The following CAMTA1 variants were observed in gnomAD, a reference collection of about 807,000 sequenced individuals.
CAMTA1 encodes the protein calmodulin-binding transcription activator 1.
Under a neutral mutation model 170.9 loss-of-function variants are expected in CAMTA1, and 27 were observed. That is an observed-to-expected ratio of 0.16 (90% CI 0.12 to 0.22). The LOEUF (loss-of-function observed/expected upper bound fraction) is 0.22. CAMTA1 is among the 10% of genes least tolerant of loss of function. The pLI, the probability that CAMTA1 is intolerant of heterozygous loss-of-function variation, is 1.00. For missense variants in CAMTA1, 1,619 were observed against 2,217.2 expected (o/e 0.73, Z 5.42); for synonymous variants, 833 against 891.5 (o/e 0.93, Z 1.17).
intron 5 of CAMTA1, among the ~76,000 whole-genome samples, chr1:7,420,287 C>G (rs913227396): frequency 1.3e-5 from 2 of 152,118 alleles, no homozygotes; most frequent in Admixed American, 6.5e-5. Flanking sequence ...ATCACCCCAG[C>G]GGAGAGACCT....
At chr1:7,319,712 G>C (rs1293703350) in intron 5 of CAMTA1, among the ~76,000 whole-genome samples, 13 of 152,156 alleles carry the variant, frequency 8.5e-5, no homozygotes, top group Non-Finnish European at 5.9e-5. Context: ...GCTACCATCT[G>C]TCAGCCGCAT....
chr1:7,618,528 C>A (rs1012235861), intron 6 of CAMTA1, among the ~76,000 whole-genome samples: 1 of 152,206 alleles, frequency 6.6e-6, no homozygotes, highest in African/African-American at 2.4e-5. Flanking sequence ...TCGTCTCCCT[C>A]GTTTTCAAGG....
chr1:7,095,299 A>G (rs1460415572), intron 4 of CAMTA1, among the ~76,000 whole-genome samples: 1 of 152,222 alleles, frequency 6.6e-6, no homozygotes, highest in Non-Finnish European at 1.5e-5. Flanking sequence ...AAAATGAACA[A>G]AAGTGACATA....
At position 7,173,302 on chromosome 1, in the gene CAMTA1, G is replaced by A. The variant is rs1358138746; in HGVS notation, c.303-76189G>A. 6.6e-6 allele frequency among the ~76,000 whole-genome samples: 1 copy of A among 152,226 alleles called. No individual in the cohort carries two copies. Among genetic ancestry groups the A allele is most frequent in the Non-Finnish European group, 1.5e-5 (1 of 68,040 alleles). On this transcript the variant is annotated intron_variant, in intron 4 of 22. Coordinates refer to ENST00000303635, the MANE Select transcript of CAMTA1 (RefSeq NM_015215.4). This position sits in a 1 kb window ranked among gnomAD's most constrained non-coding sequence, Gnocchi z 5.4. Reference sequence around the variant, plus strand: ...TGTGAGCTGAAATGAACAGAAGGCAGAGCGGGGTGCAGGGCCTGGCCGTGA... The same window carrying A: ...TGTGAGCTGAAATGAACAGAAGGCAAAGCGGGGTGCAGGGCCTGGCCGTGA...
chr1:7,607,029 A>G (rs1260267850), intron 6 of CAMTA1, among the ~76,000 whole-genome samples: 1 of 152,236 alleles, frequency 6.6e-6, no homozygotes, highest in African/African-American at 2.4e-5. Flanking sequence ...ATTTAACAAC[A>G]GGTGCTCAAT....
intron 5 of CAMTA1, among the ~76,000 whole-genome samples, chr1:7,453,346 CAG>C (rs1370387356): frequency 6.6e-6 from 1 of 152,194 alleles, no homozygotes; most frequent in East Asian, 1.9e-4. Context: ...TCATTATCTG[CAG>C]AGTCAGGGGT....
intron 1 of CAMTA1, among the ~76,000 whole-genome samples, chr1:6,802,638 G>C (rs1471538689): frequency 6.6e-6 from 1 of 152,224 alleles, no homozygotes; most frequent in Non-Finnish European, 1.5e-5. Context: ...GCTACAGATA[G>C]AAGGCCAAGT....
intron 4 of CAMTA1, among the ~76,000 whole-genome samples, chr1:7,108,448 A>C (rs1356041965): frequency 6.6e-6 from 1 of 152,154 alleles, no homozygotes; most frequent in East Asian, 1.9e-4. Flanking sequence ...CTCTGTACGC[A>C]CACAGCCCAG....
rs935637401 is a variant in CAMTA1, at chr1:6,943,861, A to G, written c.234+118651A>G. Among the ~76,000 whole-genome samples the G allele has an allele frequency of 1.3e-3, 130 of 103,594 alleles. 1 individual carries two copies. The highest frequency in any genetic ancestry group is 3.2e-3 in the African/African-American group (101 of 31,998). The allele number at this position is 103,594 out of a possible 152,430, so 68.0% of individuals were successfully genotyped here. On this transcript the variant is annotated intron_variant, in intron 3 of 22. Coordinates refer to ENST00000303635, the MANE Select transcript of CAMTA1 (RefSeq NM_015215.4). Reference sequence around the variant, plus strand: ...GACTCTGTCTCAAAAAAAAAAAAAAAAAAAAAAGAAAAAAATACACATAAC... The same window carrying G: ...GACTCTGTCTCAAAAAAAAAAAAAAGAAAAAAAGAAAAAAATACACATAAC...
At chr1:7,407,617 C>A (rs2090394518) in intron 5 of CAMTA1, among the ~76,000 whole-genome samples, 1 of 152,168 alleles carries the variant, frequency 6.6e-6, no homozygotes, top group South Asian at 2.1e-4. Context: ...CAAAGGTGGT[C>A]TCTAGGCCCC....
chr1:7,689,637 G>T (rs144609940), intron 11 of CAMTA1, among the ~76,000 whole-genome samples: 2,071 of 152,278 alleles, frequency 0.014, 21 homozygotes, highest in Middle Eastern at 0.075. Flanking sequence ...AACAAACGGA[G>T]GTTGTTCAGG....
intron 5 of CAMTA1, among the ~76,000 whole-genome samples, chr1:7,400,684 G>A (rs939142685): frequency 3.3e-5 from 5 of 152,044 alleles, no homozygotes; most frequent in African/African-American, 9.7e-5. Context: ...CGTTGGGTAG[G>A]GTGCATTGGC....
At chr1:7,476,444 A>C (rs903945700) in intron 6 of CAMTA1, among the ~76,000 whole-genome samples, 1 of 152,126 alleles carries the variant, frequency 6.6e-6, no homozygotes, top group Admixed American at 6.5e-5. Flanking sequence ...TGAAGGATGG[A>C]AGAAATGGGG....
At chr1:7,323,591 C>T (rs567121054) in intron 5 of CAMTA1, among the ~76,000 whole-genome samples, 24 of 148,870 alleles carry the variant, frequency 1.6e-4, no homozygotes, top group Non-Finnish European at 3.3e-4. Context: ...GGCACGATCT[C>T]CGCTCACTGC....
intron 5 of CAMTA1, among the ~76,000 whole-genome samples, chr1:7,283,175 C>T (rs1422576863): frequency 6.6e-6 from 1 of 152,114 alleles, no homozygotes; most frequent in Non-Finnish European, 1.5e-5. Flanking sequence ...GTATTCTCAC[C>T]CTTCTCCAAC....
chr1:6,979,727 A>T (rs928075755), intron 3 of CAMTA1, among the ~76,000 whole-genome samples: 2 of 152,150 alleles, frequency 1.3e-5, no homozygotes, highest in East Asian at 1.9e-4. Context: ...CATGAAGCTG[A>T]GCTGGTGGTG....
chr1:6,851,432 T>C (rs1442336076), intron 3 of CAMTA1, among the ~76,000 whole-genome samples: 2 of 152,100 alleles, frequency 1.3e-5, no homozygotes, highest in African/African-American at 4.8e-5. Context: ...CTAACCAACA[T>C]GTAATTGAAA....
At chr1:6,951,675 C>T (rs1046345397) in intron 3 of CAMTA1, among the ~76,000 whole-genome samples, 13 of 152,166 alleles carry the variant, frequency 8.5e-5, no homozygotes, top group East Asian at 3.9e-4. Flanking sequence ...ACCATTCTCC[C>T]GCCTCCTCGG....
intron 6 of CAMTA1, among the ~76,000 whole-genome samples, chr1:7,480,260 T>TGA (rs199598421): frequency 6.6e-6 from 1 of 150,958 alleles, no homozygotes; most frequent in Non-Finnish European, 1.5e-5. Context: ...TGCATGTGTG[T>TGA]ATGTGTGTGA....
Sources: allele counts gnomAD v4.1 joint callset (sites outside exome capture counted in the v4.1 genomes callset), GRCh38; gene constraint gnomAD v4.1.1; non-coding constraint Gnocchi (gnomAD v3.1); transcripts MANE v1.5; gene names NCBI Gene and HGNC (gene_info 2026-07-23, HGNC 2026-07-21).